The following TIPARP variants were observed in gnomAD, a reference collection of about 807,000 sequenced individuals.
TIPARP encodes the protein TCDD inducible poly(ADP-ribose) polymerase.
Under a neutral mutation model 56.5 loss-of-function variants are expected in TIPARP, and 12 were observed. The ratio of observed to expected loss-of-function variants is 0.21; its 90% confidence interval spans 0.14 to 0.34. TIPARP has a LOEUF of 0.34. Ranked by LOEUF, TIPARP falls within the 10% of genes least tolerant of loss-of-function variation. The pLI is 1.00. For synonymous variants in TIPARP, 296 were observed against 265.7 expected (o/e 1.11, Z -1.11); for missense variants, 604 against 781.6 (o/e 0.77, Z 2.71).
In TIPARP at chr3:156,704,935, C is replaced by T. The variant is rs1163198135; in HGVS notation, c.1778C>T (p.Thr593Met). Residue 593 changes from threonine to methionine, a missense_variant, in exon 6 of 6, where the codon ACG becomes ATG. Physicochemically the swap from Thr to Met is moderately conservative, Grantham distance 81. Coordinates refer to ENST00000295924, the MANE Select transcript of TIPARP (RefSeq NM_015508.5). ...TTCATGTTTCTGGCCAAAGTGCTGACGGGCAGATACACAATGGGCAGTCAT... is the reference window on the plus strand; with the variant it reads ...TTCATGTTTCTGGCCAAAGTGCTGATGGGCAGATACACAATGGGCAGTCAT... ...VHFMFLAKVL[T>M]GRYTMGSHGM... The T allele has an allele frequency of 6.2e-7, 1 of 1,614,200 alleles. No homozygotes were observed. Among genetic ancestry groups the T allele is most frequent in the Non-Finnish European group, 8.5e-7 (1 of 1,180,036 alleles).
chr3:156,691,940 T>TTG (rs1424272112), intron 2 of TIPARP, among the ~76,000 whole-genome samples: 7 of 152,122 alleles, frequency 4.6e-5, no homozygotes, highest in African/African-American at 9.7e-5. Context: ...AAAGCTGCAG[T>TTG]TGTAGATGTC....
chr3:156,696,850 C>A (rs752699799), intron 4 of TIPARP, among the ~76,000 whole-genome samples: 1 of 152,116 alleles, frequency 6.6e-6, no homozygotes, highest in Non-Finnish European at 1.5e-5. Context: ...AGAAGTCTAG[C>A]GTAATGGTTG....
At chr3:156,676,576 A>G (rs1397755724) in intron 1 of TIPARP, 2 of 152,210 alleles carry the variant, frequency 1.3e-5, no homozygotes, top group African/African-American at 4.8e-5. Context: ...TTGGGCACCT[A>G]GGATGCATAT....
chr3:156,694,672 AT>A (rs1371505062), intron 3 of TIPARP, among the ~76,000 whole-genome samples: 1 of 152,186 alleles, frequency 6.6e-6, no homozygotes, highest in Non-Finnish European at 1.5e-5. Flanking sequence ...GTTATTTACA[AT>A]TTTCTCCTAT....
intron 2 of TIPARP, among the ~76,000 whole-genome samples, chr3:156,690,349 G>A (rs1441423785): frequency 2.0e-5 from 3 of 151,990 alleles, no homozygotes; most frequent in East Asian, 3.9e-4. Context: ...ACTTATTAAA[G>A]AAATATGTGC....
At position 156,678,596 on chromosome 3, in the gene TIPARP, G is replaced by T; in HGVS notation, c.899G>T (p.Arg300Ile). Residue 300 changes from arginine (R) to isoleucine (I), a missense_variant, in exon 2 of 6, where the codon AGA (arginine) becomes ATA (isoleucine). By Grantham distance (97) the Arg-to-Ile change is moderately conservative. Around this residue, in one of 4 missense-constraint regions of TIPARP, gnomAD observed 252 missense variants for 303.9 expected, o/e 0.83. Coordinates refer to ENST00000295924, the MANE Select transcript of TIPARP (RefSeq NM_015508.5). The stretch of plus-strand genomic sequence containing the variant: ...TTTTACTGTAACCCAGAAAATGATA[G>T]AATGAGAATGAAGTATGGGTATGTA... The part of the protein sequence containing the change: ...ERFYCNPEND[R>I]MRMKYGGQEF... 6.2e-7 allele frequency: 1 copy of T among 1,613,392 alleles called. No individual in the cohort carries two copies. Among genetic ancestry groups the T allele is most frequent in the Non-Finnish European group, 8.5e-7 (1 of 1,179,660 alleles).
rs1331122196 is a variant in TIPARP, at chr3:156,704,895, T to C, written c.1738T>C (p.Ser580Pro). The change falls in exon 6 of 6, where the codon TCC becomes CCC. Residue 580 changes from serine to proline, a missense_variant. Physicochemically the swap from Ser to Pro is moderately conservative, Grantham distance 74. Transcript: ENST00000295924. ...CTCTCATAACTTTTCTAAGAAGTCC[T>C]CCAAAGGAGTCCACTTCATGTTTCT... Reference protein sequence around the residue: ...SYSHNFSKKSSKGVHFMFLAK... With the variant: ...SYSHNFSKKSPKGVHFMFLAK... The C allele has an allele frequency of 2.5e-6, 4 of 1,614,068 alleles. No individual in the cohort carries two copies. In the African/African-American group the frequency reaches 5.3e-5, roughly 22 times the overall value.
At chr3:156,696,287 G>A (rs1722713562) in intron 4 of TIPARP, among the ~76,000 whole-genome samples, 1 of 151,986 alleles carries the variant, frequency 6.6e-6, no homozygotes, top group South Asian at 2.1e-4. Context: ...ATTGTGTCTG[G>A]AATGAGTCAC....
chr3:156,691,339 C>T (rs955566427), intron 2 of TIPARP, among the ~76,000 whole-genome samples: 1 of 152,190 alleles, frequency 6.6e-6, no homozygotes, highest in South Asian at 2.1e-4. Context: ...CACCTCCTCT[C>T]CCATATTGCT....
rs546179758 is a variant in TIPARP at position 156,700,030 on chromosome 3, A to G, written c.1248-3394A>G. Among the ~76,000 whole-genome samples the G allele has an allele frequency of 2.0e-5, 3 of 152,220 alleles. No individual in the cohort carries two copies. The South Asian group carries it at 6.2e-4, about 32-fold the overall frequency. On this transcript the variant is annotated intron_variant, in intron 4 of 5. Coordinates refer to ENST00000295924, the MANE Select transcript of TIPARP (RefSeq NM_015508.5). ...AGAGGCTATGATCTTAGCCAGGGAA[A>G]ATGTTTCTTTTTAAGTGGTTTTTGT...
rs755428022 is a variant in TIPARP, at chr3:156,704,877, A to T, written c.1720A>T (p.Asn574Tyr). ...TGCAAAGAAGGCAAGCTACTCTCAT[A>T]ACTTTTCTAAGAAGTCCTCCAAAGG... is the stretch of plus-strand genomic sequence containing the variant. ...YFAKKASYSH[N>Y]FSKKSSKGVH... Residue 574 changes from asparagine (N) to tyrosine (Y), a missense_variant, in exon 6 of 6, where the codon AAC (asparagine) becomes TAC (tyrosine). Physicochemically the swap from Asn to Tyr is moderately radical, Grantham distance 143. Coordinates refer to ENST00000295924, the MANE Select transcript of TIPARP (RefSeq NM_015508.5). The T allele has an allele frequency of 1.2e-6, 2 of 1,614,092 alleles. No homozygotes were observed. Among genetic ancestry groups the T allele is most frequent in the South Asian group, 1.1e-5 (1 of 91,086 alleles).
intron 4 of TIPARP, among the ~76,000 whole-genome samples, chr3:156,702,226 C>G (rs934546707): frequency 6.6e-6 from 1 of 152,118 alleles, no homozygotes; most frequent in African/African-American, 2.4e-5. Context: ...TAGAAACTAT[C>G]TAGATGGGCC....
At chr3:156,697,722 T>C (rs1233866886) in intron 4 of TIPARP, among the ~76,000 whole-genome samples, 2 of 152,218 alleles carry the variant, frequency 1.3e-5, no homozygotes, top group Non-Finnish European at 2.9e-5. Flanking sequence ...TTCATTATTA[T>C]TGTATCTGTT....
intron 2 of TIPARP, among the ~76,000 whole-genome samples, chr3:156,685,570 T>G (rs1722409661): frequency 6.6e-6 from 1 of 152,250 alleles, no homozygotes. Flanking sequence ...CTATTGCCTC[T>G]GAGTATAAGG....
At chr3:156,683,216 G>C (rs1722346834) in intron 2 of TIPARP, among the ~76,000 whole-genome samples, 1 of 152,068 alleles carries the variant, frequency 6.6e-6, no homozygotes, top group African/African-American at 2.4e-5. Context: ...GTAAGGTTAT[G>C]TGGCATTCCC....
At chr3:156,687,706 T>C (rs1249793663) in intron 2 of TIPARP, among the ~76,000 whole-genome samples, 1 of 152,174 alleles carries the variant, frequency 6.6e-6, no homozygotes, top group Non-Finnish European at 1.5e-5. Context: ...AAACAGATAA[T>C]CTTTTTCATT....
intron 2 of TIPARP, chr3:156,681,312 G>A (rs1254601586): frequency 1.8e-5 from 7 of 379,110 alleles, no homozygotes; most frequent in South Asian, 3.7e-5. Flanking sequence ...TGTATATGTC[G>A]AAGTTGGAAC....
chr3:156,682,253 T>C (rs1347163466), intron 2 of TIPARP, among the ~76,000 whole-genome samples: 2 of 152,222 alleles, frequency 1.3e-5, no homozygotes, highest in Admixed American at 6.5e-5. Context: ...TCTGAATTTA[T>C]TGAAAGAGAG....
intron 3 of TIPARP, among the ~76,000 whole-genome samples, chr3:156,694,878 A>G (rs1469548096): frequency 1.3e-5 from 2 of 152,206 alleles, no homozygotes; most frequent in Non-Finnish European, 2.9e-5. Flanking sequence ...CCAGCATTAC[A>G]AAAGGGGGGA....
Sources: gnomAD v4.1 joint callset for allele counts (sites outside exome capture counted in the v4.1 genomes callset) on GRCh38, gnomAD v4.1.1 for gene constraint, gnomAD v4.1.1 regional missense constraint, MANE v1.5 for transcripts, NCBI Gene and HGNC (gene_info 2026-07-23, HGNC 2026-07-21) for gene names.